Variants in FHIP1A observed in about 807,000 individuals in gnomAD.
FHIP1A encodes the protein FHF complex subunit HOOK-interacting protein 1A.
A neutral mutation model predicts 88.6 loss-of-function variants in FHIP1A; 61 were observed. That is an observed-to-expected ratio of 0.69 (90% confidence interval 0.56 to 0.85). FHIP1A has a LOEUF of 0.85. FHIP1A is among the 40% of genes least tolerant of loss of function. The pLI is 0.00. For synonymous variants in FHIP1A, 478 were observed against 496.0 expected (o/e 0.96, Z 0.48); for missense variants, 1,154 against 1,273.5 (o/e 0.91, Z 1.43).
rs558433721 is a variant in FHIP1A at position 151,503,484 on chromosome 4, G to A, written c.-123+20836G>A. ...AGGTTTTTGGCTCTGGAGCTTCCAA[G>A]CACACAGTTAGATAAGCTTGATCTG... On this transcript the variant is annotated intron_variant, in intron 3 of 13. Transcript: ENST00000435205. Among the ~76,000 whole-genome samples, 56 of 152,226 alleles carry A rather than the reference G, an allele frequency of 3.7e-4. 1 individual carries two copies. Among genetic ancestry groups the A allele is most frequent in the Non-Finnish European group, 5.9e-4 (40 of 68,020 alleles).
intron 5 of FHIP1A, among the ~76,000 whole-genome samples, chr4:151,579,350 G>A (rs1322777598): frequency 6.6e-6 from 1 of 152,142 alleles, no homozygotes; most frequent in African/African-American, 2.4e-5. Context: ...ATGTGTTGGG[G>A]CAGCGGCTAT....
chr4:151,510,618 G>A (rs1470280), intron 3 of FHIP1A, among the ~76,000 whole-genome samples: 79,021 of 151,962 alleles, frequency 0.52, 20,840 homozygotes, highest in African/African-American at 0.55. Context: ...TACTATAGTC[G>A]GGATTCAGCG....
chr4:151,412,664 T>TC (rs1491376833), intron 1 of FHIP1A, among the ~76,000 whole-genome samples: 16 of 110,984 alleles, frequency 1.4e-4, no homozygotes, highest in African/African-American at 2.1e-4. Context: ...TCTTTCTTTC[T>TC]TTCTCTCTCT....
intron 3 of FHIP1A, among the ~76,000 whole-genome samples, chr4:151,513,446 A>G (rs1176207101): frequency 2.0e-5 from 3 of 152,238 alleles, no homozygotes; most frequent in Admixed American, 6.5e-5. Flanking sequence ...AAATTCACAT[A>G]TAACTATATT....
chr4:151,465,077 G>A (rs1729262498), intron 2 of FHIP1A, among the ~76,000 whole-genome samples: 1 of 152,066 alleles, frequency 6.6e-6, no homozygotes, highest in African/African-American at 2.4e-5. Context: ...GCATGGTGGT[G>A]CACACCTGTA....
At position 151,423,137 on chromosome 4, in the gene FHIP1A, G is replaced by A. The variant is rs1334779907; in HGVS notation, c.-356+13672G>A. 3.9e-5 allele frequency among the ~76,000 whole-genome samples: 6 copies of A among 152,216 alleles called. No homozygotes were observed. The East Asian group carries it at 1.2e-3, about 29-fold the overall frequency. The stretch of plus-strand genomic sequence containing the variant: ...TGCTGTTTTGAAATATCACTGCCAG[G>A]GGAGTTGTATACAACTTGTTCTGAC... On this transcript the variant is annotated intron_variant, in intron 1 of 13. Coordinates refer to ENST00000435205, the MANE Select transcript of FHIP1A (RefSeq NM_001109977.3).
At chr4:151,564,364 G>A (rs1045456182) in intron 3 of FHIP1A, among the ~76,000 whole-genome samples, 4 of 152,164 alleles carry the variant, frequency 2.6e-5, no homozygotes, top group African/African-American at 7.2e-5. Flanking sequence ...GAATAACAAG[G>A]AAGTTGATTC....
intron 4 of FHIP1A, among the ~76,000 whole-genome samples, chr4:151,571,384 G>C (rs1479945880): frequency 3.3e-5 from 5 of 152,198 alleles, no homozygotes; most frequent in African/African-American, 1.2e-4. Flanking sequence ...AAGTAATAGT[G>C]ATGGATGAGG....
chr4:151,570,891 G>A (rs1316847917), intron 4 of FHIP1A, among the ~76,000 whole-genome samples: 1 of 152,198 alleles, frequency 6.6e-6, no homozygotes, highest in Non-Finnish European at 1.5e-5. Flanking sequence ...GGCATTAAAT[G>A]ATCTGGAAGA....
rs966527672 is a variant in FHIP1A, at chr4:151,665,962, G to A, written c.*3208G>A. On this transcript the variant is annotated 3_prime_UTR_variant, in exon 14 of 14. Coordinates refer to ENST00000435205, the MANE Select transcript of FHIP1A (RefSeq NM_001109977.3). ...GCCCGCTGGCGCAGCCCCTGAGCTG[G>A]CGTCACTGCGTCTGGCCTGGGCAGG... 6.6e-6 allele frequency among the ~76,000 whole-genome samples: 1 copy of A among 152,238 alleles called. No individual in the cohort carries two copies. Among genetic ancestry groups the A allele is most frequent in the African/African-American group, 2.4e-5 (1 of 41,454 alleles).
In FHIP1A at chr4:151,552,646, T is replaced by A. The variant is rs556527483; in HGVS notation, c.-122-13492T>A. Among the ~76,000 whole-genome samples, 58 of 151,108 alleles carry A rather than the reference T, an allele frequency of 3.8e-4. No homozygotes were observed. The East Asian group carries it at 0.011, about 28-fold the overall frequency. On this transcript the variant is annotated intron_variant, in intron 3 of 13. Coordinates refer to ENST00000435205, the MANE Select transcript of FHIP1A (RefSeq NM_001109977.3). ...ACAATGAGAACACTTGGACACAGGGTGGGGAACATCACACCCCGGGGCCTG... is the reference window on the plus strand; with the variant it reads ...ACAATGAGAACACTTGGACACAGGGAGGGGAACATCACACCCCGGGGCCTG...
chr4:151,647,380 G>A (rs987376825), intron 10 of FHIP1A, among the ~76,000 whole-genome samples: 2 of 152,280 alleles, frequency 1.3e-5, no homozygotes, highest in Non-Finnish European at 1.5e-5. Context: ...ATCTTTGATG[G>A]TCATATGGCT....
intron 7 of FHIP1A, among the ~76,000 whole-genome samples, chr4:151,598,768 C>T (rs1045436875): frequency 6.6e-6 from 1 of 152,060 alleles, no homozygotes; most frequent in Non-Finnish European, 1.5e-5. Context: ...TTCACAGTTC[C>T]TTATTCACAA....
intron 11 of FHIP1A, among the ~76,000 whole-genome samples, chr4:151,651,521 G>C (rs1331632782): frequency 6.6e-6 from 1 of 152,148 alleles, no homozygotes; most frequent in Admixed American, 6.5e-5. Context: ...TTGAGTCCTG[G>C]TTCTAGCATT....
rs918032954 is a variant in FHIP1A at position 151,619,136 on chromosome 4, C to T, written c.979-10566C>T. 1.8e-4 allele frequency among the ~76,000 whole-genome samples: 28 copies of T among 152,082 alleles called. 1 individual carries two copies. The highest frequency in any genetic ancestry group is 1.6e-3 in the Admixed American group (24 of 15,272). ...CTCAGGGAGGGGTTTCCAGGACAGC[C>T]TTATTACTTGCTTTATGTTGTAGAC... On this transcript the variant is annotated intron_variant, in intron 7 of 13. Transcript: ENST00000435205.
At chr4:151,621,171 G>T (rs1735727876) in intron 7 of FHIP1A, among the ~76,000 whole-genome samples, 1 of 151,964 alleles carries the variant, frequency 6.6e-6, no homozygotes, top group South Asian at 2.1e-4. Context: ...AGTTTTTTTT[G>T]AGGGCTTGCT....
At chr4:151,624,814 G>A (rs1735892302) in intron 7 of FHIP1A, among the ~76,000 whole-genome samples, 1 of 152,158 alleles carries the variant, frequency 6.6e-6, no homozygotes, top group African/African-American at 2.4e-5. Flanking sequence ...GGGAGGCATA[G>A]GGGAGCCGAC....
intron 4 of FHIP1A, among the ~76,000 whole-genome samples, chr4:151,576,408 T>A (rs541629890): frequency 9.2e-5 from 14 of 152,216 alleles, no homozygotes; most frequent in African/African-American, 3.4e-4. Flanking sequence ...CTCAACCTCC[T>A]GGGACTCAAA....
At chr4:151,618,947 G>T (rs1735641723) in intron 7 of FHIP1A, among the ~76,000 whole-genome samples, 1 of 152,216 alleles carries the variant, frequency 6.6e-6, no homozygotes, top group African/African-American at 2.4e-5. Context: ...AAAGAGATCG[G>T]TTAATGCAAG....
Sources: gnomAD v4.1 joint callset for allele counts (sites outside exome capture counted in the v4.1 genomes callset) on GRCh38, gnomAD v4.1.1 for gene constraint, MANE v1.5 for transcripts, NCBI Gene and HGNC (gene_info 2026-07-23, HGNC 2026-07-21) for gene names.